Variants in DEFB124 observed in about 807,000 individuals in gnomAD.
The protein encoded by DEFB124 is beta-defensin 124.
For synonymous variants in DEFB124, 38 were observed against 36.5 expected (o/e 1.04, Z -0.15); for missense variants, 78 against 83.1 (o/e 0.94, Z 0.24).
Position 31,474,360 on chromosome 20 carries a change from G to A in DEFB124, c.-26+267C>T, listed in dbSNP as rs553048884. 9.0e-4 allele frequency among the ~76,000 whole-genome samples: 137 copies of A among 152,298 alleles called. 1 individual carries two copies. Among genetic ancestry groups the A allele is most frequent in the African/African-American group, 3.0e-3 (125 of 41,560 alleles). On this transcript the variant is annotated intron_variant, in intron 1 of 2. Transcript: ENST00000317676. ...CAAGCCACGGAAGGAAGCCAGGCAC[G>A]AGGGGGTTCTGTATCAGCTCCAAGA... is the stretch of plus-strand genomic sequence containing the variant.
intron 2 of DEFB124, among the ~76,000 whole-genome samples, chr20:31,471,503 A>C (rs1324864067): frequency 1.0e-5 from 1 of 98,420 alleles, no homozygotes; most frequent in Non-Finnish European, 2.1e-5. Flanking sequence ...TGACCCCCCC[A>C]CCTCCCTCCC....
At chr20:31,473,385 G>A (rs1980388441) in intron 1 of DEFB124, among the ~76,000 whole-genome samples, 1 of 152,150 alleles carries the variant, frequency 6.6e-6, no homozygotes, top group Non-Finnish European at 1.5e-5. Context: ...TGAGACATCA[G>A]ACAAGTCACT....
chr20:31,471,318 C>G (rs1448532876), intron 2 of DEFB124, among the ~76,000 whole-genome samples: 3 of 74,706 alleles, frequency 4.0e-5, no homozygotes, highest in East Asian at 4.2e-4. Context: ...GGGGCTGACC[C>G]CCCCCACCTC....
intron 1 of DEFB124, among the ~76,000 whole-genome samples, chr20:31,473,315 G>C (rs1253134413): frequency 6.6e-6 from 1 of 152,188 alleles, no homozygotes; most frequent in East Asian, 1.9e-4. Flanking sequence ...TAAGAGAGTG[G>C]AAAAAATCTT....
chr20:31,472,200 A>T (rs9753545), intron 2 of DEFB124, among the ~76,000 whole-genome samples: 50,119 of 148,236 alleles, frequency 0.34, 10,069 homozygotes, highest in African/African-American at 0.64. Flanking sequence ...TAGGAGCTGG[A>T]GACCAGCCCG....
At chr20:31,466,828 A>G (rs767721588) in intron 2 of DEFB124, among the ~76,000 whole-genome samples, 1 of 152,026 alleles carries the variant, frequency 6.6e-6, no homozygotes, top group Non-Finnish European at 1.5e-5. Context: ...GCTCCCTCCA[A>G]GGGTCTTTGG....
At chr20:31,472,642 A>G (rs1980365992) in intron 2 of DEFB124, 2 of 322,554 alleles carry the variant, frequency 6.2e-6, no homozygotes, top group Admixed American at 4.6e-5. Flanking sequence ...TATCTCCACC[A>G]ACTAAAGTGT....
chr20:31,473,650 C>T (rs77805601), intron 1 of DEFB124, among the ~76,000 whole-genome samples: 3,008 of 152,306 alleles, frequency 0.02, 39 homozygotes, highest in Admixed American at 0.031. Flanking sequence ...AGCCCTACCC[C>T]AAACCTACTG....
At chr20:31,470,037 G>A (rs1444475248) in intron 2 of DEFB124, among the ~76,000 whole-genome samples, 4 of 134,798 alleles carry the variant, frequency 3.0e-5, no homozygotes, top group African/African-American at 9.1e-5. Flanking sequence ...GGGCAGAGGC[G>A]CCCCTCACCT....
At chr20:31,469,812 G>C (rs1980182828) in intron 2 of DEFB124, among the ~76,000 whole-genome samples, 1 of 149,950 alleles carries the variant, frequency 6.7e-6, no homozygotes, top group Admixed American at 6.6e-5. Flanking sequence ...ATTTATCTTA[G>C]TACAGAACAA....
At position 31,468,277 on chromosome 20, in the gene DEFB124, T is replaced by C. The variant is rs553723415; in HGVS notation, c.59-2614A>G. On this transcript the variant is annotated intron_variant, in intron 2 of 2. Transcript: ENST00000317676. ...GGGCCTTGGCCCTTGATGCTCCCTCTACCTGGAACGATCTTTCCTCGTATT... is the reference window on the plus strand; with the variant it reads ...GGGCCTTGGCCCTTGATGCTCCCTCCACCTGGAACGATCTTTCCTCGTATT... Among the ~76,000 whole-genome samples the C allele has an allele frequency of 1.9e-3, 294 of 152,282 alleles. 2 individuals carry two copies. The highest frequency in any genetic ancestry group is 1.1e-3 in the Non-Finnish European group (75 of 68,026).
At chr20:31,467,806 G>A (rs1053966966) in intron 2 of DEFB124, among the ~76,000 whole-genome samples, 3 of 152,008 alleles carry the variant, frequency 2.0e-5, no homozygotes, top group African/African-American at 7.2e-5. Context: ...AGGCTGGAGT[G>A]CAGTAGTGTA....
At chr20:31,472,871 C>T in intron 2 of DEFB124, 85 bp downstream of exon 2, 1 of 1,506,704 alleles carries the variant, frequency 6.6e-7, no homozygotes, top group South Asian at 1.3e-5. Flanking sequence ...CCCCTCTGTC[C>T]TCCAGGACCT....
intron 1 of DEFB124, 140 bp from the exon 2 acceptor site, chr20:31,473,178 G>A (rs144304818): frequency 1.4e-4 from 99 of 690,398 alleles, no homozygotes; most frequent in Non-Finnish European, 2.2e-4. Flanking sequence ...TCCCCAGGCT[G>A]CTTGGGATTT....
chr20:31,474,153 C>CT (rs1568759716), intron 1 of DEFB124, among the ~76,000 whole-genome samples: 2 of 152,174 alleles, frequency 1.3e-5, no homozygotes, highest in African/African-American at 4.8e-5. Context: ...AGAGTGTAAG[C>CT]TGTTCATATT....
chr20:31,465,630 T>C lies in DEFB124; in HGVS notation c.92A>G (p.Gln31Arg). ...TGTGCAGTAAGTTTGGCAGGCCCCT[T>C]GACCCTTCCAGCACCGTTTGAATTC... ...RSEFKRCWKG[Q>R]GACQTYCTRQ... The change falls in exon 3 of 3, where the codon CAA becomes CGA. Residue 31 changes from glutamine (Q) to arginine (R), a missense_variant. Gln to Arg is a conservative substitution (Grantham distance 43, BLOSUM62 1). Transcript: ENST00000317676. 1 of 1,614,112 alleles carries C rather than the reference T, an allele frequency of 6.2e-7. No individual in the cohort carries two copies. The highest frequency in any genetic ancestry group is 8.5e-7 in the Non-Finnish European group (1 of 1,180,034).
intron 2 of DEFB124, among the ~76,000 whole-genome samples, chr20:31,470,396 C>A: frequency 7.6e-6 from 1 of 132,098 alleles, no homozygotes; most frequent in Admixed American, 7.6e-5. Flanking sequence ...CCCCCCACCT[C>A]CCTCCCGGAC....
In DEFB124 at chr20:31,468,019, C is replaced by T. The variant is rs374088740; in HGVS notation, c.59-2356G>A. On this transcript the variant is annotated intron_variant, in intron 2 of 2. Coordinates refer to ENST00000317676, the MANE Select transcript of DEFB124 (RefSeq NM_001037500.2). ...CCTCTTGCCTTGGCCTCCCAAAGTG[C>T]TAGGATTTACAGGTATGAACCACCA... Among the ~76,000 whole-genome samples, 4 of 152,298 alleles carry T rather than the reference C, an allele frequency of 2.6e-5. No individual in the cohort carries two copies. In the East Asian group the frequency reaches 7.7e-4, roughly 29 times the overall value.
intron 2 of DEFB124, among the ~76,000 whole-genome samples, chr20:31,471,398 C>T (rs1980296709): frequency 8.4e-6 from 1 of 119,076 alleles, no homozygotes; most frequent in African/African-American, 3.4e-5. Flanking sequence ...GGGCGGCTGG[C>T]CGGGCGGGGG....
Sources: gnomAD v4.1 joint callset for allele counts (sites outside exome capture counted in the v4.1 genomes callset) on GRCh38, gnomAD v4.1.1 for gene constraint, MANE v1.5 for transcripts, NCBI Gene and HGNC (gene_info 2026-07-23, HGNC 2026-07-21) for gene names.